Variants in ANXA11 observed in about 807,000 individuals in gnomAD.
ANXA11 encodes 56 kDa autoantigen.
Under a neutral mutation model 64.7 loss-of-function variants are expected in ANXA11, and 57 were observed. That is an observed-to-expected ratio of 0.88 (90% CI 0.71 to 1.10). The LOEUF (loss-of-function observed/expected upper bound fraction) is 1.10. Ranked by LOEUF, ANXA11 falls within the 50% of genes least tolerant of loss-of-function variation. The pLI is 0.00. For synonymous variants in ANXA11, 260 were observed against 265.2 expected, an observed-to-expected ratio of 0.98 and a Z score of 0.19; for missense variants, 675 against 670.7, an observed-to-expected ratio of 1.01 and a Z score of -0.07.
rs369415003 is a variant in ANXA11 at position 80,155,834 on chromosome 10, G to C, written c.*19C>G. On this transcript the variant is annotated 3_prime_UTR_variant, in exon 16 of 16. Coordinates refer to ENST00000422982, the MANE Select transcript of ANXA11 (RefSeq NM_145868.2). ...TGGTGTTGCCGGCAGGTGGGCAGAA[G>C]TGAGCCACCAGTCACTGTTCAGTCA... 3.1e-6 allele frequency: 5 copies of C among 1,613,484 alleles called. No individual in the cohort carries two copies. The highest frequency in any genetic ancestry group is 4.2e-6 in the Non-Finnish European group (5 of 1,179,358).
intron 1 of ANXA11, among the ~76,000 whole-genome samples, chr10:80,177,266 T>C (rs1232133105): frequency 6.6e-6 from 1 of 152,124 alleles, no homozygotes; most frequent in African/African-American, 2.4e-5. Context: ...TGGGATTACA[T>C]GCCTGGCCTG....
chr10:80,201,377 T>A (rs1305828131), intron 1 of ANXA11, among the ~76,000 whole-genome samples: 2 of 152,092 alleles, frequency 1.3e-5, no homozygotes, highest in Non-Finnish European at 2.9e-5. Flanking sequence ...AGTTCTTCAA[T>A]CTCGCTGTGC....
intron 15 of ANXA11, chr10:80,156,855 C>T (rs1845296485): frequency 3.2e-6 from 1 of 308,928 alleles, no homozygotes; most frequent in African/African-American, 2.3e-5. Context: ...CAAGGAAACA[C>T]AGTGAGTTTC....
At chr10:80,157,883 C>T in intron 14 of ANXA11, 84 bp downstream of exon 14, 2 of 1,594,898 alleles carry the variant, frequency 1.3e-6, no homozygotes, top group Admixed American at 1.7e-5. Flanking sequence ...TTTAGCTCTC[C>T]CCAGGCCTTC....
At chr10:80,172,936 C>T (rs915800910) in intron 2 of ANXA11, 67 bp from the exon 3 acceptor site, 3 of 1,470,320 alleles carry the variant, frequency 2.0e-6, no homozygotes, top group South Asian at 2.3e-5. Context: ...TGGGACCCAG[C>T]TTCTTGAAAG....
Position 80,152,844 on chromosome 10 carries a change from G to C in ANXA11, c.*3009C>G, listed in dbSNP as rs1404579118. Reference sequence around the variant, plus strand: ...CTCCCCTCTATCTATCTGCCAGATGGTCACTCTCCCTTACAGGGGTCAATA... The same window carrying C: ...CTCCCCTCTATCTATCTGCCAGATGCTCACTCTCCCTTACAGGGGTCAATA... On this transcript the variant is annotated 3_prime_UTR_variant, in exon 16 of 16. Transcript: ENST00000422982. 6.6e-6 allele frequency: 1 copy of C among 152,234 alleles called. No individual in the cohort carries two copies. The highest frequency in any genetic ancestry group is 1.5e-5 in the Non-Finnish European group (1 of 68,084). The allele number at this position is 152,234 out of a possible 1,614,324, so 9.4% of individuals were successfully genotyped here.
chr10:80,181,470 T>A (rs909189334), intron 1 of ANXA11: 3 of 146,786 alleles, frequency 2.0e-5, no homozygotes, highest in Admixed American at 1.4e-4. Context: ...CTCAAAAAAA[T>A]AAAAAATAAA....
intron 1 of ANXA11, among the ~76,000 whole-genome samples, chr10:80,179,266 T>C (rs975972873): frequency 2.0e-5 from 3 of 152,172 alleles, no homozygotes; most frequent in African/African-American, 7.2e-5. Context: ...GTAAGTTTCC[T>C]GAGGCCTCCC....
In ANXA11 at chr10:80,153,447, G is replaced by A. The variant is rs1845190420; in HGVS notation, c.*2406C>T. 6.6e-6 allele frequency: 1 copy of A among 152,262 alleles called. No homozygotes were observed. Among genetic ancestry groups the A allele is most frequent in the African/African-American group, 2.4e-5 (1 of 41,458 alleles). 9.4% of individuals were successfully genotyped at this position (152,262 alleles called of 1,614,324 possible). On this transcript the variant is annotated 3_prime_UTR_variant, in exon 16 of 16. Transcript: ENST00000422982. ...TGTGTCTGTAGGTGCAATATTGCCT[G>A]CTGGGCACCAGGCTGGGAACTTTGG...
chr10:80,171,635 C>T (rs1191791259), intron 3 of ANXA11: 10 of 985,416 alleles, frequency 1.0e-5, no homozygotes, highest in Admixed American at 6.1e-5. Flanking sequence ...GCTGGGTGCC[C>T]GATGGGCATT....
chr10:80,170,214 T>A (rs1845918080), intron 4 of ANXA11, among the ~76,000 whole-genome samples: 1 of 152,158 alleles, frequency 6.6e-6, no homozygotes, highest in South Asian at 2.1e-4. Flanking sequence ...TATTCACATA[T>A]CCCCAGTGCC....
chr10:80,179,490 T>C (rs963098588), intron 1 of ANXA11, among the ~76,000 whole-genome samples: 7 of 152,222 alleles, frequency 4.6e-5, no homozygotes, highest in Non-Finnish European at 8.8e-5. Flanking sequence ...TTCACAATAG[T>C]AAGCTCTAGG....
intron 12 of ANXA11, among the ~76,000 whole-genome samples, chr10:80,161,563 C>A (rs1041194137): frequency 2.6e-5 from 4 of 152,262 alleles, no homozygotes; most frequent in Non-Finnish European, 5.9e-5. Flanking sequence ...CATGCGGGAG[C>A]GCGATTTACA....
At chr10:80,176,731 G>A (rs568006375) in intron 1 of ANXA11, among the ~76,000 whole-genome samples, 2 of 151,940 alleles carry the variant, frequency 1.3e-5, no homozygotes, top group East Asian at 1.9e-4. Flanking sequence ...CCTTGATGGC[G>A]CTCGTGGAGC....
rs928664452 is a variant in ANXA11, at chr10:80,169,303, C to G, written c.227G>C (p.Gly76Ala). The G allele has an allele frequency of 1.2e-6, 2 of 1,611,146 alleles. No individual in the cohort carries two copies. The highest frequency in any genetic ancestry group is 2.7e-5 in the African/African-American group (2 of 74,856). Residue 76 changes from glycine (G) to alanine (A), a missense_variant, in exon 5 of 16, where the codon GGG (glycine) becomes GCG (alanine). Transcript: ENST00000422982. ...TGGTGGGTAGCCAGCCCCAGGGGCC[C>G]CAGGGTACAGGTTGGGCATGTTGGC... ...GGANMPNLYP[G>A]APGAGYPPVP...
At chr10:80,158,573 G>A (rs1229390794) in intron 13 of ANXA11, among the ~76,000 whole-genome samples, 4 of 152,214 alleles carry the variant, frequency 2.6e-5, no homozygotes, top group Non-Finnish European at 4.4e-5. Flanking sequence ...TAGAAAGAGG[G>A]GTTGTGAGGG....
intron 1 of ANXA11, among the ~76,000 whole-genome samples, chr10:80,191,956 C>T (rs1846795652): frequency 1.3e-5 from 2 of 152,220 alleles, no homozygotes; most frequent in Admixed American, 1.3e-4. Flanking sequence ...GGTGATACAG[C>T]AAGACCCTAA....
At chr10:80,193,502 A>G (rs1447418799) in intron 1 of ANXA11, among the ~76,000 whole-genome samples, 1 of 152,174 alleles carries the variant, frequency 6.6e-6, no homozygotes, top group East Asian at 1.9e-4. Context: ...TATATGAATT[A>G]TAAAGCACAA....
chr10:80,156,502 T>A (rs773926815), intron 15 of ANXA11: 2 of 469,024 alleles, frequency 4.3e-6, no homozygotes, highest in South Asian at 3.1e-5. Flanking sequence ...AGATACTCTG[T>A]AATGAATTAT....
Sources: allele counts gnomAD v4.1 joint callset (sites outside exome capture counted in the v4.1 genomes callset), GRCh38; gene constraint gnomAD v4.1.1; transcripts MANE v1.5; gene names NCBI Gene and HGNC (gene_info 2026-07-23, HGNC 2026-07-21).